Variants in TTC22 observed in about 807,000 individuals in gnomAD.
TTC22 encodes the protein tetratricopeptide repeat domain 22, also known as tetratricopeptide repeat protein 22.
Under a neutral mutation model 48.2 loss-of-function variants are expected in TTC22, and 42 were observed. The observed-to-expected ratio is 0.87, with a 90% CI of 0.68 to 1.13. The LOEUF (loss-of-function observed/expected upper bound fraction) is 1.13. Ranked by LOEUF, TTC22 falls within the 50% of genes most tolerant of loss-of-function variation. The pLI is 0.00. For missense variants in TTC22, 784 were observed against 807.0 expected (o/e 0.97, Z 0.34); for synonymous variants, 345 against 365.5 (o/e 0.94, Z 0.64).
chr1:54,800,909 G>A lies in TTC22; in HGVS notation c.255C>T (p.Ala85=), dbSNP rs1646431422. ...GGGCCACCTCGAGGAAGCACTCGCGGGCCTCGTCCAGCTCCTCCAGGTAGA... is the reference window on the plus strand; with the variant it reads ...GGGCCACCTCGAGGAAGCACTCGCGAGCCTCGTCCAGCTCCTCCAGGTAGA... The part of the protein sequence containing the change: ...FAFYLEELDE[A]RECFLEVAHE... Residue 85 remains alanine, a synonymous_variant, in exon 1 of 7, where the codon GCC becomes GCT. Coordinates refer to ENST00000371276, the MANE Select transcript of TTC22 (RefSeq NM_001114108.2). 6.2e-7 allele frequency: 1 copy of A among 1,610,090 alleles called. No individual in the cohort carries two copies. Among genetic ancestry groups the A allele is most frequent in the Non-Finnish European group, 8.5e-7 (1 of 1,179,384 alleles).
chr1:54,781,074 T>C lies in TTC22; in HGVS notation c.*169A>G, dbSNP rs572253484. The C allele has an allele frequency of 8.6e-6, 4 of 466,586 alleles. No homozygotes were observed. Among genetic ancestry groups the C allele is most frequent in the African/African-American group, 8.2e-5 (4 of 48,972 alleles). The allele number at this position is 466,586 out of a possible 1,614,324, so 28.9% of individuals were successfully genotyped here. The stretch of plus-strand genomic sequence containing the variant: ...AGGCCTTCCAGTCTGGGTGGGCGTT[T>C]CAAACCGCGCGGGTGTCGCAACATC... On this transcript the variant is annotated 3_prime_UTR_variant, in exon 7 of 7. Coordinates refer to ENST00000371276, the MANE Select transcript of TTC22 (RefSeq NM_001114108.2).
chr1:54,792,087 A>G (rs915630876), intron 1 of TTC22, among the ~76,000 whole-genome samples: 3 of 152,246 alleles, frequency 2.0e-5, no homozygotes, highest in African/African-American at 7.2e-5. Context: ...AAGCAATACC[A>G]CCACCTGGTG....
intron 1 of TTC22, among the ~76,000 whole-genome samples, chr1:54,797,461 C>T (rs567747264): frequency 6.6e-6 from 1 of 152,188 alleles, no homozygotes; most frequent in South Asian, 2.1e-4. Flanking sequence ...CCAGCCTGGC[C>T]AACATGGTGA....
intron 1 of TTC22, among the ~76,000 whole-genome samples, chr1:54,788,575 C>T (rs921254686): frequency 2.0e-5 from 3 of 152,164 alleles, no homozygotes; most frequent in African/African-American, 7.2e-5. Context: ...CCTTGCTGTG[C>T]GACTTGGGCA....
In TTC22 at chr1:54,779,817, C is replaced by A. The variant is rs897286037; in HGVS notation, c.*1426G>T. 4 of 152,176 alleles carry A rather than the reference C, an allele frequency of 2.6e-5. No individual in the cohort carries two copies. The highest frequency in any genetic ancestry group is 5.9e-5 in the Non-Finnish European group (4 of 68,038). 9.4% of individuals were successfully genotyped at this position (152,176 alleles called of 1,614,324 possible). On this transcript the variant is annotated 3_prime_UTR_variant, in exon 7 of 7. Transcript: ENST00000371276. The stretch of plus-strand genomic sequence containing the variant: ...AAGTGTGGCTTTGGGCAAGCCACTT[C>A]CCTTCTATGGCTCTCAGTTTTCCCA...
intron 1 of TTC22, among the ~76,000 whole-genome samples, chr1:54,796,515 A>T (rs944443119): frequency 6.6e-6 from 1 of 152,180 alleles, no homozygotes; most frequent in African/African-American, 2.4e-5. Context: ...TAAATGCGCA[A>T]AGGCAGGTAA....
At chr1:54,795,252 T>C (rs651688) in intron 1 of TTC22, among the ~76,000 whole-genome samples, 35,996 of 152,240 alleles carry the variant, frequency 0.24, 4,421 homozygotes, top group East Asian at 0.46. Flanking sequence ...GCCTGCATCA[T>C]AGGCATGTTG....
Position 54,781,264 on chromosome 1 carries a change from G to C in TTC22, c.1689C>G (p.Asp563Glu). Residue 563 changes from aspartate (D) to glutamate (E), a missense_variant, in exon 7 of 7, where the codon GAC becomes GAG. Asp to Glu is a conservative substitution (Grantham distance 45). Coordinates refer to ENST00000371276, the MANE Select transcript of TTC22 (RefSeq NM_001114108.2). ...REGEGASAPR[D>E]RRAVSF ...AGCCCTAGAATGAGACAGCCCGGCG[G>C]TCCCGCGGCGCGCTGGCGCCCTCGC... 2.0e-6 allele frequency: 3 copies of C among 1,475,852 alleles called. No homozygotes were observed. The highest frequency in any genetic ancestry group is 1.5e-5 in the African/African-American group (1 of 67,914). 91.4% of individuals were successfully genotyped at this position (1,475,852 alleles called of 1,614,324 possible).
intron 1 of TTC22, among the ~76,000 whole-genome samples, chr1:54,794,394 G>A (rs562552614): frequency 6.6e-6 from 1 of 152,274 alleles, no homozygotes; most frequent in South Asian, 2.1e-4. Context: ...CCCAAAAGAA[G>A]GAAATGTTGG....
In TTC22 at chr1:54,786,996, G is replaced by T; in HGVS notation, c.819C>A (p.Cys273Ter). 6.4e-7 allele frequency: 1 copy of T among 1,563,986 alleles called. No individual in the cohort carries two copies. Among genetic ancestry groups the T allele is most frequent in the Non-Finnish European group, 8.7e-7 (1 of 1,155,792 alleles). The change falls in exon 4 of 7, where the codon TGC becomes TGA. Residue 273 changes from cysteine to a stop codon, truncating the protein, a stop_gained. Coordinates refer to ENST00000371276, the MANE Select transcript of TTC22 (RefSeq NM_001114108.2). LOFTEE classifies it high-confidence loss of function. ...CTAGAGGGTCGGTCCCTGAGTACCC[G>T]CAGTCATGGACGCCCATGGGGGTGG... is the stretch of plus-strand genomic sequence containing the variant. The part of the protein sequence containing the change: ...FSTTPMGVHD[C>*]GYSGTDPLDC...
chr1:54,790,343 G>C (rs1455205388), intron 1 of TTC22, among the ~76,000 whole-genome samples: 1 of 152,214 alleles, frequency 6.6e-6, no homozygotes, highest in Non-Finnish European at 1.5e-5. Context: ...TAGCACCACT[G>C]CCCTCCAGCC....
chr1:54,786,471 A>G, intron 4 of TTC22: 1 of 289,172 alleles, frequency 3.5e-6, no homozygotes, highest in Non-Finnish European at 6.5e-6. Flanking sequence ...GGTGAGAGGA[A>G]GGGCCAGAGG....
intron 1 of TTC22, among the ~76,000 whole-genome samples, chr1:54,790,764 T>G (rs1361051909): frequency 1.6e-5 from 1 of 63,922 alleles, no homozygotes; most frequent in Non-Finnish European, 3.6e-5. Context: ...GCTTCCTGGC[T>G]GCTGCTGCTG....
At chr1:54,786,843 G>A (rs1378734556) in intron 4 of TTC22, 114 bp downstream of exon 4, 1 of 495,096 alleles carries the variant, frequency 2.0e-6, no homozygotes, top group Non-Finnish European at 3.6e-6. Context: ...TGTACTTCCT[G>A]GGTGGGCCAC....
intron 1 of TTC22, among the ~76,000 whole-genome samples, chr1:54,792,103 A>G (rs1481407808): frequency 1.3e-5 from 2 of 152,244 alleles, no homozygotes; most frequent in South Asian, 2.1e-4. Context: ...TGGTGGCACT[A>G]TGCCTGAATT....
chr1:54,785,516 C>G (rs1230767117), intron 5 of TTC22: 3 of 450,448 alleles, frequency 6.7e-6, no homozygotes, highest in South Asian at 4.7e-5. Flanking sequence ...TTCTTTCACT[C>G]AAAAACCTTA....
At chr1:54,796,392 T>G (rs1001640549) in intron 1 of TTC22, among the ~76,000 whole-genome samples, 1 of 152,240 alleles carries the variant, frequency 6.6e-6, no homozygotes, top group Non-Finnish European at 1.5e-5. Context: ...GACAGCCCCG[T>G]GTGCACTGGG....
At chr1:54,792,653 G>A (rs1646360942) in intron 1 of TTC22, among the ~76,000 whole-genome samples, 1 of 152,068 alleles carries the variant, frequency 6.6e-6, no homozygotes, top group South Asian at 2.1e-4. Context: ...GGCCAGTCTC[G>A]AACTTCCGAC....
chr1:54,799,953 C>T (rs1646420180), intron 1 of TTC22, among the ~76,000 whole-genome samples: 1 of 152,216 alleles, frequency 6.6e-6, no homozygotes, highest in South Asian at 2.1e-4. Context: ...GTGCTAAGCA[C>T]TGATTTGAAG....
Sources: gnomAD v4.1 joint callset for allele counts (sites outside exome capture counted in the v4.1 genomes callset) on GRCh38, gnomAD v4.1.1 for gene constraint, MANE v1.5 for transcripts, NCBI Gene and HGNC (gene_info 2026-07-23, HGNC 2026-07-21) for gene names.